The following SCHIP1 variants were observed in gnomAD, a reference collection of about 807,000 sequenced individuals.
SCHIP1 encodes schwannomin interacting protein 1.
SCHIP1 carries 8 observed loss-of-function variants against 29.7 expected under a neutral mutation model. That is an observed-to-expected ratio of 0.27 (90% CI 0.16 to 0.49). SCHIP1 has a LOEUF of 0.49. Ranked by LOEUF, SCHIP1 falls within the 20% of genes least tolerant of loss-of-function variation. The pLI, the probability that SCHIP1 is intolerant of heterozygous loss-of-function variation, is 0.99. For missense variants in SCHIP1, 193 were observed against 294.6 expected, an observed-to-expected ratio of 0.66 and a Z score of 2.52; for synonymous variants, 76 against 94.9, an observed-to-expected ratio of 0.80 and a Z score of 1.16.
At chr3:159,303,450 A>AAG in the SCHIP1 span, among the ~76,000 whole-genome samples, 2 of 148,036 alleles carry the variant, frequency 1.4e-5, no homozygotes, top group African/African-American at 2.5e-5. Context: ...GAGAGAGAGA[A>AAG]AGAGAGAGAG....
intron 2 of SCHIP1, among the ~76,000 whole-genome samples, chr3:159,870,779 G>T (rs574914838): frequency 1.3e-5 from 2 of 151,854 alleles, no homozygotes; most frequent in Non-Finnish European, 2.9e-5. Context: ...TGACATTTTT[G>T]CTTGGTTTTA....
the SCHIP1 span, among the ~76,000 whole-genome samples, chr3:159,778,562 C>T: frequency 1.3e-5 from 2 of 152,174 alleles, no homozygotes; most frequent in Admixed American, 1.3e-4. Context: ...TAAAACTATT[C>T]GACAACTGTA....
At chr3:159,686,223 TC>T in the SCHIP1 span, among the ~76,000 whole-genome samples, 3 of 152,144 alleles carry the variant, frequency 2.0e-5, no homozygotes, top group African/African-American at 7.2e-5. Flanking sequence ...AAAAAGGAAA[TC>T]CAGCCCTGAG....
intron 1 of SCHIP1, among the ~76,000 whole-genome samples, chr3:159,865,492 A>C (rs1189504676): frequency 6.6e-6 from 1 of 152,184 alleles, no homozygotes; most frequent in South Asian, 2.1e-4. Flanking sequence ...TATGAAACAG[A>C]TGGGCCCAAC....
At chr3:159,585,476 T>C in the SCHIP1 span, among the ~76,000 whole-genome samples, 1 of 152,202 alleles carries the variant, frequency 6.6e-6, no homozygotes, top group Non-Finnish European at 1.5e-5. Flanking sequence ...AGGATGGAGA[T>C]AAAAGGTAGA....
chr3:159,819,054 C>A, the SCHIP1 span, among the ~76,000 whole-genome samples: 1 of 152,202 alleles, frequency 6.6e-6, no homozygotes, highest in Admixed American at 6.5e-5. Flanking sequence ...TGCATTGGGG[C>A]TGCAGTCATC....
chr3:159,654,644 G>A, the SCHIP1 span, among the ~76,000 whole-genome samples: 1 of 152,006 alleles, frequency 6.6e-6, no homozygotes, highest in Non-Finnish European at 1.5e-5. Context: ...AGGGTGTTGA[G>A]TGTATGTGAG....
the SCHIP1 span, among the ~76,000 whole-genome samples, chr3:159,582,396 G>A: frequency 6.6e-6 from 1 of 151,856 alleles, no homozygotes; most frequent in African/African-American, 2.4e-5. Context: ...TGAATTCCTG[G>A]ACTCAAGTGA....
At chr3:159,694,147 A>C in the SCHIP1 span, among the ~76,000 whole-genome samples, 1 of 152,178 alleles carries the variant, frequency 6.6e-6, no homozygotes, top group South Asian at 2.1e-4. Flanking sequence ...ACAAAGCCCT[A>C]TCTGGGCTTT....
chr3:159,528,558 CCTT>C, the SCHIP1 span, among the ~76,000 whole-genome samples: 80 of 152,198 alleles, frequency 5.3e-4, no homozygotes, highest in Non-Finnish European at 8.7e-4. Context: ...GCTTCCTGCA[CCTT>C]CTTCTCCCCA....
At chr3:159,362,497 G>A in the SCHIP1 span, among the ~76,000 whole-genome samples, 2 of 152,220 alleles carry the variant, frequency 1.3e-5, no homozygotes, top group Non-Finnish European at 2.9e-5. Context: ...GATCTTTCAT[G>A]TGATACATGA....
intron 1 of SCHIP1, among the ~76,000 whole-genome samples, chr3:159,841,327 T>G (rs996402415): frequency 6.6e-6 from 1 of 152,232 alleles, no homozygotes; most frequent in Non-Finnish European, 1.5e-5. Context: ...TATTTCATAG[T>G]ATTTTCATTT....
At chr3:159,542,422 C>A in the SCHIP1 span, among the ~76,000 whole-genome samples, 1 of 151,992 alleles carries the variant, frequency 6.6e-6, no homozygotes, top group Non-Finnish European at 1.5e-5. Flanking sequence ...TACATATTAA[C>A]TTGCATTTTC....
chr3:159,429,659 A>T, the SCHIP1 span, among the ~76,000 whole-genome samples: 18 of 152,276 alleles, frequency 1.2e-4, no homozygotes, highest in South Asian at 3.7e-3. Flanking sequence ...AGCAGGTGGC[A>T]TCCCCATATT....
At chr3:159,574,674 A>G in the SCHIP1 span, among the ~76,000 whole-genome samples, 10 of 152,228 alleles carry the variant, frequency 6.6e-5, no homozygotes, top group African/African-American at 9.6e-5. Context: ...TTAAGTCTGC[A>G]GACATTGACT....
chr3:159,374,126 T>A, the SCHIP1 span, among the ~76,000 whole-genome samples: 1 of 152,162 alleles, frequency 6.6e-6, no homozygotes, highest in African/African-American at 2.4e-5. Context: ...TTTTTAAAAA[T>A]TTTTATATTC....
chr3:159,553,022 T>G, the SCHIP1 span, among the ~76,000 whole-genome samples: 1 of 152,286 alleles, frequency 6.6e-6, no homozygotes, highest in South Asian at 2.1e-4. Flanking sequence ...AGTGCCATCT[T>G]ATCATATTAC....
chr3:159,676,862 A>G, the SCHIP1 span, among the ~76,000 whole-genome samples: 14 of 152,318 alleles, frequency 9.2e-5, 2 homozygotes, highest in South Asian at 2.9e-3. Flanking sequence ...TATAGAGACA[A>G]TAATAGTTCC....
the SCHIP1 span, among the ~76,000 whole-genome samples, chr3:159,347,095 A>G: frequency 6.6e-6 from 1 of 152,180 alleles, no homozygotes; most frequent in African/African-American, 2.4e-5. Flanking sequence ...TGTCCTCCAC[A>G]AATATATATG....
Sources: allele counts gnomAD v4.1 joint callset (sites outside exome capture counted in the v4.1 genomes callset), GRCh38; gene constraint gnomAD v4.1.1; transcripts MANE v1.5; gene names NCBI Gene and HGNC (gene_info 2026-07-23, HGNC 2026-07-21).